Variants in PTCHD4 observed in about 807,000 individuals in gnomAD.
The protein encoded by PTCHD4 is patched domain containing 4.
PTCHD4 carries 33 observed loss-of-function variants against 58.1 expected under a neutral mutation model. The ratio of observed to expected loss-of-function variants is 0.57; its 90% CI spans 0.43 to 0.76. The LOEUF is 0.76. Ranked by LOEUF, PTCHD4 falls within the 30% of genes least tolerant of loss-of-function variation. The pLI is 0.00. For synonymous variants in PTCHD4, 478 were observed against 409.6 expected, an observed-to-expected ratio of 1.17 and a Z score of -2.02; for missense variants, 1,058 against 1,027.1, an observed-to-expected ratio of 1.03 and a Z score of -0.41.
chr6:47,880,599 C>G (rs1346529700), intron 4 of PTCHD4, among the ~76,000 whole-genome samples: 10 of 151,996 alleles, frequency 6.6e-5, no homozygotes, highest in Admixed American at 5.9e-4. Flanking sequence ...TCTTAGCAAG[C>G]ACTTCCTTTG....
chr6:48,107,599 T>C lies in PTCHD4; in HGVS notation c.-970+3450A>G, dbSNP rs1353204894. Among the ~76,000 whole-genome samples, 4 of 151,950 alleles carry C rather than the reference T, an allele frequency of 2.6e-5. 1 individual carries two copies. The highest frequency in any genetic ancestry group is 6.8e-3 in the Middle Eastern group (2 of 294). On this transcript the variant is annotated intron_variant, in intron 1 of 4. Coordinates refer to ENST00000339488, the MANE Select transcript of PTCHD4 (RefSeq NM_001384253.1). ...GGCAACAAAAGCCAAAATTGACAAATGGGATCTAATTAAACTAAAGAGCTT... is the reference window on the plus strand; with the variant it reads ...GGCAACAAAAGCCAAAATTGACAAACGGGATCTAATTAAACTAAAGAGCTT...
chr6:47,960,837 G>A (rs1387536866), intron 4 of PTCHD4, among the ~76,000 whole-genome samples: 1 of 151,392 alleles, frequency 6.6e-6, no homozygotes. Context: ...AAATTCACAA[G>A]TATAGTCAGA....
intron 4 of PTCHD4, among the ~76,000 whole-genome samples, chr6:47,950,845 G>A (rs77208972): frequency 0.033 from 5,029 of 152,178 alleles, 150 homozygotes; most frequent in African/African-American, 0.074. Context: ...ATAAAAAGGG[G>A]ATAAGAAGTA....
chr6:48,102,304 G>A (rs977773372), intron 1 of PTCHD4, among the ~76,000 whole-genome samples: 2 of 152,148 alleles, frequency 1.3e-5, no homozygotes, highest in Non-Finnish European at 2.9e-5. Context: ...TGTGAGTGAG[G>A]AACTTAACAG....
chr6:47,957,805 C>T (rs959927040), intron 4 of PTCHD4, among the ~76,000 whole-genome samples: 1 of 151,686 alleles, frequency 6.6e-6, no homozygotes, highest in African/African-American at 2.4e-5. Flanking sequence ...AGGGTTTCAT[C>T]GTGTTAGCCA....
intron 3 of PTCHD4, among the ~76,000 whole-genome samples, chr6:48,044,296 T>C (rs1763956098): frequency 6.6e-6 from 1 of 151,872 alleles, no homozygotes; most frequent in African/African-American, 2.4e-5. Flanking sequence ...TCCAGTCTTT[T>C]AGTGTCCACA....
intron 4 of PTCHD4, among the ~76,000 whole-genome samples, chr6:47,998,266 A>G (rs1183445860): frequency 1.3e-5 from 2 of 152,112 alleles, no homozygotes; most frequent in East Asian, 1.9e-4. Context: ...TTATTATTCT[A>G]CCATGTGCTA....
chr6:48,046,530 G>T (rs1309662417), intron 3 of PTCHD4, among the ~76,000 whole-genome samples: 1 of 151,812 alleles, frequency 6.6e-6, no homozygotes, highest in Non-Finnish European at 1.5e-5. Flanking sequence ...ATAAACAACT[G>T]TTTGAAATGT....
chr6:48,105,227 A>G (rs1469190975), intron 1 of PTCHD4, among the ~76,000 whole-genome samples: 2 of 151,868 alleles, frequency 1.3e-5, no homozygotes, highest in East Asian at 3.9e-4. Flanking sequence ...GCACATGTAA[A>G]AGATCAGAAA....
At chr6:47,898,259 C>T (rs1764587613) in intron 4 of PTCHD4, among the ~76,000 whole-genome samples, 1 of 152,046 alleles carries the variant, frequency 6.6e-6, no homozygotes, top group East Asian at 1.9e-4. Context: ...TTCATCCTTT[C>T]AAAACATCAT....
At chr6:48,011,400 A>G (rs1206483956) in intron 3 of PTCHD4, among the ~76,000 whole-genome samples, 1 of 151,420 alleles carries the variant, frequency 6.6e-6, no homozygotes, top group East Asian at 1.9e-4. Flanking sequence ...GTCTGCTCAT[A>G]TCCTTTGCCC....
intron 4 of PTCHD4, among the ~76,000 whole-genome samples, chr6:48,006,800 G>A (rs1392679037): frequency 6.6e-6 from 1 of 152,164 alleles, no homozygotes; most frequent in African/African-American, 2.4e-5. Context: ...AAAACATCAG[G>A]TTAAATAGTA....
chr6:48,003,964 C>G (rs1768844291), intron 4 of PTCHD4, among the ~76,000 whole-genome samples: 1 of 152,134 alleles, frequency 6.6e-6, no homozygotes, highest in Non-Finnish European at 1.5e-5. Flanking sequence ...TTTATCTGAC[C>G]ACTTATGTTC....
At chr6:48,030,604 G>A (rs1004642709) in intron 3 of PTCHD4, among the ~76,000 whole-genome samples, 4 of 152,062 alleles carry the variant, frequency 2.6e-5, no homozygotes, top group African/African-American at 7.2e-5. Context: ...TGCTGTGTAG[G>A]CCACTCAGAA....
intron 3 of PTCHD4, among the ~76,000 whole-genome samples, chr6:48,065,945 C>T (rs930456555): frequency 6.6e-6 from 1 of 152,184 alleles, no homozygotes; most frequent in Admixed American, 6.5e-5. Context: ...CAATTACCCT[C>T]TGACTTCTAC....
chr6:47,910,187 G>C (rs990553652), intron 4 of PTCHD4, among the ~76,000 whole-genome samples: 2 of 151,954 alleles, frequency 1.3e-5, no homozygotes, highest in Non-Finnish European at 2.9e-5. Context: ...TTAATATTTT[G>C]GTGTTTTGTT....
At position 47,874,723 on chromosome 6, in the gene PTCHD4, G is replaced by A. The variant is rs16876713; in HGVS notation, c.*3580C>T. On this transcript the variant is annotated 3_prime_UTR_variant, in exon 5 of 5. Coordinates refer to ENST00000339488, the MANE Select transcript of PTCHD4 (RefSeq NM_001384253.1). The stretch of plus-strand genomic sequence containing the variant: ...TGTGGAAATAAATGGGAATCAAATA[G>A]GAAAGGGCCACTTACATGATACAAC... Among the ~76,000 whole-genome samples, 9,552 of 144,868 alleles carry A rather than the reference G, an allele frequency of 0.066. 354 individuals are homozygous for A. Among genetic ancestry groups the A allele is most frequent in the Middle Eastern group, 0.099 (29 of 292 alleles).
intron 3 of PTCHD4, among the ~76,000 whole-genome samples, chr6:48,060,576 G>A (rs1171832965): frequency 2.0e-5 from 3 of 152,208 alleles, no homozygotes; most frequent in South Asian, 2.1e-4. Flanking sequence ...CAGGCTCAAG[G>A]CATCCTTCTA....
At chr6:48,053,562 A>C (rs1202254339) in intron 3 of PTCHD4, among the ~76,000 whole-genome samples, 2 of 152,176 alleles carry the variant, frequency 1.3e-5, no homozygotes, top group Non-Finnish European at 2.9e-5. Context: ...TTAAGCTATG[A>C]AAATTTATTA....
Sources: allele counts gnomAD v4.1 joint callset (sites outside exome capture counted in the v4.1 genomes callset), GRCh38; gene constraint gnomAD v4.1.1; transcripts MANE v1.5; gene names NCBI Gene and HGNC (gene_info 2026-07-23, HGNC 2026-07-21).